The following NKAIN3 variants were observed in gnomAD, a reference collection of about 807,000 sequenced individuals.
NKAIN3 encodes sodium/potassium-transporting ATPase subunit beta-1-interacting protein 3.
NKAIN3 carries 25 observed loss-of-function variants against 30.2 expected under a neutral mutation model. The ratio of observed to expected loss-of-function variants is 0.83; its 90% CI spans 0.60 to 1.16. The LOEUF (loss-of-function observed/expected upper bound fraction) is 1.16. Among genes scored for constraint, NKAIN3 ranks in the 50% most tolerant of loss-of-function variants. NKAIN3 has a pLI of 0.00. For missense variants in NKAIN3, 225 were observed against 254.1 expected, an observed-to-expected ratio of 0.89 and a Z score of 0.78; for synonymous variants, 91 against 89.6, an observed-to-expected ratio of 1.02 and a Z score of -0.09.
At chr8:62,927,279 A>G (rs1586355361) in intron 5 of NKAIN3, among the ~76,000 whole-genome samples, 1 of 152,230 alleles carries the variant, frequency 6.6e-6, no homozygotes, top group Non-Finnish European at 1.5e-5. Context: ...CTTGGATCTT[A>G]TCAAGATTGA....
At chr8:62,958,588 G>A (rs1823487059) in intron 6 of NKAIN3, among the ~76,000 whole-genome samples, 1 of 152,146 alleles carries the variant, frequency 6.6e-6, no homozygotes, top group African/African-American at 2.4e-5. Context: ...TACAGTAGGG[G>A]CAGCAGTAAC....
Position 62,884,985 on chromosome 8 carries a change from A to G in NKAIN3, c.472-33468A>G, listed in dbSNP as rs1189211546. Among the ~76,000 whole-genome samples, 3 of 150,848 alleles carry G rather than the reference A, an allele frequency of 2.0e-5. No individual in the cohort carries two copies. The East Asian group carries it at 5.9e-4, about 30-fold the overall frequency. ...CTACTGATTTTTTCCAATTTCATTG[A>G]TTTTTGCTCTAATTTTTATTGTTTC... On this transcript the variant is annotated intron_variant, in intron 4 of 6. Coordinates refer to ENST00000623646, the MANE Select transcript of NKAIN3 (RefSeq NM_001304533.3).
At chr8:62,798,297 C>T (rs1164282605) in intron 4 of NKAIN3, among the ~76,000 whole-genome samples, 18 of 152,084 alleles carry the variant, frequency 1.2e-4, no homozygotes, top group Admixed American at 7.9e-4. Flanking sequence ...ATAGGCCAGG[C>T]GTGGTGGCTC....
At chr8:62,791,800 G>T (rs1473620927) in intron 4 of NKAIN3, among the ~76,000 whole-genome samples, 1 of 151,968 alleles carries the variant, frequency 6.6e-6, no homozygotes, top group Non-Finnish European at 1.5e-5. Flanking sequence ...AAAATTAACA[G>T]CACTACCTTA....
chr8:62,532,807 G>C (rs953396136), intron 1 of NKAIN3, among the ~76,000 whole-genome samples: 3 of 152,138 alleles, frequency 2.0e-5, no homozygotes, highest in South Asian at 2.1e-4. Context: ...TTAAGTTTAC[G>C]CATGGATCGA....
At chr8:62,466,616 T>C (rs1806172350) in intron 1 of NKAIN3, among the ~76,000 whole-genome samples, 1 of 152,206 alleles carries the variant, frequency 6.6e-6, no homozygotes, top group Non-Finnish European at 1.5e-5. Flanking sequence ...TTTTCTTCAA[T>C]GTGTACTCTG....
chr8:62,964,365 T>C (rs1563647899), intron 6 of NKAIN3, among the ~76,000 whole-genome samples: 1 of 152,136 alleles, frequency 6.6e-6, no homozygotes, highest in African/African-American at 2.4e-5. Context: ...GAGGTTGACA[T>C]TGTGCAAAGA....
chr8:62,313,262 A>G (rs904673878), intron 1 of NKAIN3, among the ~76,000 whole-genome samples: 3 of 152,166 alleles, frequency 2.0e-5, no homozygotes, highest in African/African-American at 4.8e-5. Flanking sequence ...GATCAAATAG[A>G]TAATCAAGAA....
chr8:62,388,123 A>G (rs1013892929), intron 1 of NKAIN3, among the ~76,000 whole-genome samples: 1 of 152,310 alleles, frequency 6.6e-6, no homozygotes, highest in Middle Eastern at 3.4e-3. Context: ...ACAGGCCACC[A>G]TTTACTAATT....
intron 1 of NKAIN3, among the ~76,000 whole-genome samples, chr8:62,407,215 T>C (rs936840852): frequency 6.6e-6 from 1 of 151,750 alleles, no homozygotes; most frequent in African/African-American, 2.4e-5. Flanking sequence ...TTTTAATAGA[T>C]TTTTCCAATA....
chr8:62,386,297 C>T (rs903400010), intron 1 of NKAIN3, among the ~76,000 whole-genome samples: 1 of 152,238 alleles, frequency 6.6e-6, no homozygotes, highest in Non-Finnish European at 1.5e-5. Context: ...TAACACTCAC[C>T]TCTTAGGATT....
At chr8:62,800,217 C>CA (rs1818010365) in intron 4 of NKAIN3, among the ~76,000 whole-genome samples, 2 of 141,210 alleles carry the variant, frequency 1.4e-5, no homozygotes, top group South Asian at 4.2e-4. Context: ...AATAAATAAA[C>CA]AAACAAATAA....
chr8:62,800,192 C>A (rs2130690951), intron 4 of NKAIN3, among the ~76,000 whole-genome samples: 1 of 151,762 alleles, frequency 6.6e-6, no homozygotes, highest in Non-Finnish European at 1.5e-5. Flanking sequence ...CCCCAAAAAA[C>A]CTATTGAAAT....
chr8:62,928,889 G>T (rs542351346), intron 5 of NKAIN3, among the ~76,000 whole-genome samples: 2 of 152,170 alleles, frequency 1.3e-5, no homozygotes, highest in Non-Finnish European at 2.9e-5. Flanking sequence ...TCAGAGAAAG[G>T]TTCCCTCGCA....
At chr8:62,990,024 C>T in intron 5 of NKAIN3, 1 of 521,760 alleles carries the variant, frequency 1.9e-6, no homozygotes, top group South Asian at 2.9e-5. Flanking sequence ...CTTGTATCTG[C>T]TCAATGAATG....
At chr8:62,828,069 A>G (rs1256480269) in intron 4 of NKAIN3, among the ~76,000 whole-genome samples, 1 of 151,830 alleles carries the variant, frequency 6.6e-6, no homozygotes, top group East Asian at 1.9e-4. Context: ...ACAATGCAAT[A>G]CTACTCAGTA....
In NKAIN3 at chr8:62,874,287, G is replaced by A. The variant is rs571009179; in HGVS notation, c.472-44166G>A. 5.1e-4 allele frequency among the ~76,000 whole-genome samples: 77 copies of A among 152,224 alleles called. No individual in the cohort carries two copies. In the South Asian group the frequency reaches 0.013, roughly 26 times the overall value. On this transcript the variant is annotated intron_variant, in intron 4 of 6. Coordinates refer to ENST00000623646, the MANE Select transcript of NKAIN3 (RefSeq NM_001304533.3). The stretch of plus-strand genomic sequence containing the variant: ...ACTACCAAGACTAAACCAAGAGGAA[G>A]TTGAATCCCTGAGTAGACCAATAAC...
intron 5 of NKAIN3, chr8:62,990,393 G>A (rs1824298614): frequency 1.6e-6 from 2 of 1,220,286 alleles, no homozygotes; most frequent in Non-Finnish European, 2.1e-6. Flanking sequence ...TTTATGAAAA[G>A]CATAGGTTTT....
intron 4 of NKAIN3, among the ~76,000 whole-genome samples, chr8:62,884,229 C>T (rs764260762): frequency 1.3e-4 from 20 of 151,856 alleles, no homozygotes; most frequent in African/African-American, 4.3e-4. Flanking sequence ...CACATACCCT[C>T]TGCCTCTATT....
Sources: gnomAD v4.1 joint callset for allele counts (sites outside exome capture counted in the v4.1 genomes callset) on GRCh38, gnomAD v4.1.1 for gene constraint, MANE v1.5 for transcripts, NCBI Gene and HGNC (gene_info 2026-07-23, HGNC 2026-07-21) for gene names.